The following CADM2 variants were observed in gnomAD, a reference collection of about 807,000 sequenced individuals.
CADM2 encodes the protein immunoglobulin superfamily member 4D.
CADM2 carries 12 observed loss-of-function variants against 49.8 expected under a neutral mutation model. The observed-to-expected ratio is 0.24, with a 90% confidence interval of 0.15 to 0.39. CADM2 has a LOEUF of 0.39. CADM2 is among the 10% of genes least tolerant of loss of function. CADM2 has a pLI of 1.00. For missense variants in CADM2, 378 were observed against 492.3 expected (o/e 0.77, Z 2.20); for synonymous variants, 214 against 175.4 (o/e 1.22, Z -1.74).
intron 8 of CADM2, among the ~76,000 whole-genome samples, chr3:86,038,780 C>T (rs1296739137): frequency 1.3e-5 from 2 of 152,112 alleles, no homozygotes; most frequent in Admixed American, 1.3e-4. Context: ...GTAAATGTCA[C>T]TACTTTTATT....
intron 1 of CADM2, among the ~76,000 whole-genome samples, chr3:85,468,557 T>C (rs57093583): frequency 0.012 from 1,772 of 150,608 alleles, 32 homozygotes; most frequent in African/African-American, 0.041. Flanking sequence ...TTAAAAGTAT[T>C]TGGGGACTTT....
intron 1 of CADM2, among the ~76,000 whole-genome samples, chr3:85,604,691 G>C (rs2063501529): frequency 6.6e-6 from 1 of 151,022 alleles, no homozygotes; most frequent in African/African-American, 2.4e-5. Context: ...TCTTTTTGTT[G>C]TCTGTTAATT....
intron 1 of CADM2, among the ~76,000 whole-genome samples, chr3:85,465,344 C>A (rs1452838206): frequency 6.6e-6 from 1 of 152,058 alleles, no homozygotes; most frequent in Non-Finnish European, 1.5e-5. Context: ...TTAGTATTTG[C>A]CACTACCATC....
At chr3:85,087,920 A>G (rs2037445633) in intron 1 of CADM2, among the ~76,000 whole-genome samples, 1 of 152,076 alleles carries the variant, frequency 6.6e-6, no homozygotes, top group Admixed American at 6.6e-5. Flanking sequence ...CACTGATTCT[A>G]TTATTTTATT....
At chr3:85,135,268 A>G (rs1372244904) in intron 1 of CADM2, among the ~76,000 whole-genome samples, 2 of 152,002 alleles carry the variant, frequency 1.3e-5, no homozygotes, top group African/African-American at 2.4e-5. Flanking sequence ...AGAATATTCT[A>G]TCACTGGTAA....
intron 1 of CADM2, among the ~76,000 whole-genome samples, chr3:85,366,612 A>G (rs1399340421): frequency 6.6e-6 from 1 of 152,190 alleles, no homozygotes; most frequent in Non-Finnish European, 1.5e-5. Flanking sequence ...TAAGACTCTA[A>G]GTGCTTGTAT....
chr3:85,084,961 A>T (rs144330896), intron 1 of CADM2, among the ~76,000 whole-genome samples: 2,449 of 152,258 alleles, frequency 0.016, 33 homozygotes, highest in Non-Finnish European at 0.025. Context: ...GATAGAAATT[A>T]TATACAGTTA....
intron 1 of CADM2, among the ~76,000 whole-genome samples, chr3:85,657,306 A>G (rs2065230061): frequency 6.6e-6 from 1 of 152,160 alleles, no homozygotes; most frequent in South Asian, 2.1e-4. Flanking sequence ...TACATGAAGT[A>G]ATAATATTCA....
chr3:85,688,244 A>T (rs1481044868), intron 1 of CADM2, among the ~76,000 whole-genome samples: 1 of 152,168 alleles, frequency 6.6e-6, no homozygotes, highest in Non-Finnish European at 1.5e-5. Context: ...ATAATAAAGA[A>T]TATTCAAAAC....
chr3:85,570,570 A>G (rs535404919), intron 1 of CADM2, among the ~76,000 whole-genome samples: 1 of 152,208 alleles, frequency 6.6e-6, no homozygotes, highest in South Asian at 2.1e-4. Flanking sequence ...TTTCAGACAT[A>G]TGGTCTTTTG....
intron 1 of CADM2, among the ~76,000 whole-genome samples, chr3:85,063,024 CTTG>C (rs945134576): frequency 6.6e-6 from 1 of 151,870 alleles, no homozygotes; most frequent in African/African-American, 2.4e-5. Flanking sequence ...TCAGGAATCT[CTTG>C]TTGACCTGAT....
chr3:85,987,859 A>T (rs556037794), intron 8 of CADM2, among the ~76,000 whole-genome samples: 5 of 147,726 alleles, frequency 3.4e-5, no homozygotes, highest in East Asian at 1.9e-4. Context: ...CTCTAAATTT[A>T]AAAAAAAATC....
chr3:85,046,233 C>T (rs2035647916), intron 1 of CADM2, among the ~76,000 whole-genome samples: 1 of 151,792 alleles, frequency 6.6e-6, no homozygotes, highest in Non-Finnish European at 1.5e-5. Context: ...TATCATGTTG[C>T]GTTATTCCAA....
Position 84,983,683 on chromosome 3 carries a change from C to A in CADM2, c.61+24015C>A, listed in dbSNP as rs144939684. ...AGTGAATATTATTGATGACTAGACA[C>A]CTGCTAGGATGTAAAGGCATTTAAT... On this transcript the variant is annotated intron_variant, in intron 1 of 9. Transcript: ENST00000383699. Among the ~76,000 whole-genome samples the A allele has an allele frequency of 7.6e-3, 1,158 of 152,130 alleles. 18 individuals carry two copies. Among genetic ancestry groups the A allele is most frequent in the Non-Finnish European group, 8.0e-3 (544 of 68,004 alleles).
intron 1 of CADM2, among the ~76,000 whole-genome samples, chr3:85,123,577 A>AT (rs1243420075): frequency 4.6e-5 from 7 of 152,126 alleles, no homozygotes; most frequent in African/African-American, 1.7e-4. Context: ...TAAGTGGATG[A>AT]TTTTCTTTCC....
At chr3:85,453,323 T>C (rs2037837793) in intron 1 of CADM2, among the ~76,000 whole-genome samples, 2 of 152,234 alleles carry the variant, frequency 1.3e-5, no homozygotes, top group South Asian at 4.1e-4. Context: ...CCTTTAACAT[T>C]GGTTTCCATA....
chr3:85,866,457 T>C (rs2075724279), intron 3 of CADM2, among the ~76,000 whole-genome samples: 1 of 152,152 alleles, frequency 6.6e-6, no homozygotes, highest in African/African-American at 2.4e-5. Context: ...TTAATTACAT[T>C]CCTTCCATAG....
chr3:85,891,426 T>G (rs1285873438), intron 5 of CADM2, among the ~76,000 whole-genome samples: 5 of 152,210 alleles, frequency 3.3e-5, no homozygotes, highest in African/African-American at 1.2e-4. Context: ...CACACCCTTG[T>G]ATAAACCCTT....
chr3:85,408,837 A>G (rs2035525261), intron 1 of CADM2, among the ~76,000 whole-genome samples: 1 of 152,238 alleles, frequency 6.6e-6, no homozygotes, highest in Non-Finnish European at 1.5e-5. Flanking sequence ...GAAGTAAAAA[A>G]TACAATAATC....
Sources: gnomAD v4.1 joint callset for allele counts (sites outside exome capture counted in the v4.1 genomes callset) on GRCh38, gnomAD v4.1.1 for gene constraint, MANE v1.5 for transcripts, NCBI Gene and HGNC (gene_info 2026-07-23, HGNC 2026-07-21) for gene names.